COBLL1: variants seen among roughly 807,000 people sequenced by gnomAD.
COBLL1 encodes cordon-bleu protein-like 1.
A neutral mutation model predicts 94.8 loss-of-function variants in COBLL1; 50 were observed. The ratio of observed to expected loss-of-function variants is 0.53; its 90% CI spans 0.42 to 0.67. COBLL1 has a LOEUF of 0.67. COBLL1 is among the 30% of genes least tolerant of loss of function. The pLI is 0.00. For missense variants in COBLL1, 1,362 were observed against 1,348.7 expected (o/e 1.01, Z -0.15); for synonymous variants, 448 against 473.8 (o/e 0.95, Z 0.71).
At position 164,700,552 on chromosome 2, in the gene COBLL1, T is replaced by A; in HGVS notation, c.1430A>T (p.Glu477Val). 6.2e-7 allele frequency: 1 copy of A among 1,613,614 alleles called. No individual in the cohort carries two copies. Among genetic ancestry groups the A allele is most frequent in the Non-Finnish European group, 8.5e-7 (1 of 1,179,678 alleles). Residue 477 changes from glutamate (E) to valine (V), a missense_variant, in exon 10 of 14, where the codon GAA (glutamate) becomes GTA (valine). Physicochemically the swap from Glu to Val is moderately radical, Grantham distance 121. Transcript: ENST00000652658. ...ATCTGTGCTTTTAGTTTCTTGTTTT[T>A]CTTCCATGGAGTTTTGTGAGAACTC... ...SGEFSQNSME[E>V]KQETKSTDGQ...
chr2:164,808,099 C>T (rs2105334263), intron 2 of COBLL1, among the ~76,000 whole-genome samples: 1 of 152,250 alleles, frequency 6.6e-6, no homozygotes, highest in East Asian at 1.9e-4. Flanking sequence ...GGATTACAGC[C>T]ATGATCCACC....
chr2:164,683,205 T>A lies in COBLL1; in HGVS notation c.*2741A>T, dbSNP rs1485295178. 6.6e-6 allele frequency: 1 copy of A among 151,854 alleles called. No homozygotes were observed. The highest frequency in any genetic ancestry group is 2.4e-5 in the African/African-American group (1 of 41,380). 9.4% of individuals were successfully genotyped at this position (151,854 alleles called of 1,614,324 possible). ...TATATATGTAATCTGAATTATAATT[T>A]TAATATTATATAAATAAATAACTTG... On this transcript the variant is annotated 3_prime_UTR_variant, in exon 14 of 14. Transcript: ENST00000652658.
At chr2:164,838,665 G>A (rs1683438925) in intron 2 of COBLL1, among the ~76,000 whole-genome samples, 2 of 152,170 alleles carry the variant, frequency 1.3e-5, no homozygotes, top group South Asian at 4.1e-4. Context: ...TTTATAAAAT[G>A]TGGAGAACAA....
Position 164,683,255 on chromosome 2 carries a change from A to C in COBLL1, c.*2691T>G, listed in dbSNP as rs1683125137. The C allele has an allele frequency of 6.6e-6, 1 of 152,000 alleles. No individual in the cohort carries two copies. The highest frequency in any genetic ancestry group is 2.1e-4 in the South Asian group (1 of 4,828). 9.4% of individuals were successfully genotyped at this position (152,000 alleles called of 1,614,324 possible). A position where few individuals can be genotyped will look rare whatever the true frequency, so the allele number is the denominator to read the frequency against. ...GATTGGAGGAAAGAAGGAAAAGCAA[A>C]ATGCCTAGATGCTAAAAATTATACA... On this transcript the variant is annotated 3_prime_UTR_variant, in exon 14 of 14. Coordinates refer to ENST00000652658, the MANE Select transcript of COBLL1 (RefSeq NM_001365672.2).
chr2:164,841,255 G>T lies in COBLL1; in HGVS notation c.-50-9C>A. 1 of 1,224,946 alleles carries T rather than the reference G, an allele frequency of 8.2e-7. No individual in the cohort carries two copies. Among genetic ancestry groups the T allele is most frequent in the Non-Finnish European group, 1.0e-6 (1 of 983,788 alleles). The allele number at this position is 1,224,946 out of a possible 1,614,324, so 75.9% of individuals were successfully genotyped here. On this transcript the variant is annotated splice_polypyrimidine_tract_variant and intron_variant, in intron 1 of 13. Transcript: ENST00000652658. The surrounding 1 kb of genome is among the most constrained non-coding windows in gnomAD (Gnocchi z 5.5). ...CAGGCGGCGCGTCACTGCTGGGGTG[G>T]GAGAGGCCGGCGGGTCAGGGCGGGA...
chr2:164,839,725 A>G (rs987139537), intron 2 of COBLL1, among the ~76,000 whole-genome samples: 1 of 152,158 alleles, frequency 6.6e-6, no homozygotes, highest in Admixed American at 6.5e-5. Flanking sequence ...CTCATCGTCA[A>G]TTCACATAAT....
chr2:164,727,267 A>C (rs1335677692), intron 5 of COBLL1: 1 of 463,786 alleles, frequency 2.2e-6, no homozygotes, highest in Non-Finnish European at 3.9e-6. Flanking sequence ...CCTCAGGATA[A>C]ATTTTGAAGT....
chr2:164,666,331 A>G (rs1691158336), intron 1 of COBLL1, among the ~76,000 whole-genome samples: 1 of 152,156 alleles, frequency 6.6e-6, no homozygotes, highest in Non-Finnish European at 1.5e-5. Flanking sequence ...CATTATGTCT[A>G]AAAAACAATG....
chr2:164,818,626 T>TA (rs1491572217), intron 2 of COBLL1, among the ~76,000 whole-genome samples: 2 of 144,872 alleles, frequency 1.4e-5, no homozygotes, highest in South Asian at 4.2e-4. Context: ...TACACATATA[T>TA]GGCGTATATG....
intron 2 of COBLL1, among the ~76,000 whole-genome samples, chr2:164,795,793 T>C (rs1213084926): frequency 1.3e-5 from 2 of 152,238 alleles, no homozygotes; most frequent in Non-Finnish European, 2.9e-5. Context: ...ACTGAGTTTT[T>C]TCAAAGTTAC....
In COBLL1 at chr2:164,841,090, G is replaced by A; in HGVS notation, c.41+66C>T. 1 of 1,225,390 alleles carries A rather than the reference G, an allele frequency of 8.2e-7. No homozygotes were observed. Among genetic ancestry groups the A allele is most frequent in the Non-Finnish European group, 1.0e-6 (1 of 982,940 alleles). 75.9% of individuals were successfully genotyped at this position (1,225,390 alleles called of 1,614,324 possible). A position where few individuals can be genotyped will look rare whatever the true frequency, so the allele number is the denominator to read the frequency against. ...GAGTTGCCAGCCAGGTGAAACGGCC[G>A]AGGCCTCGCTGTCCTCGCCGGCCTC... is the stretch of plus-strand genomic sequence containing the variant. On this transcript the variant is annotated intron_variant, in intron 2 of 13. Coordinates refer to ENST00000652658, the MANE Select transcript of COBLL1 (RefSeq NM_001365672.2). This position sits in a 1 kb window ranked among gnomAD's most constrained non-coding sequence, Gnocchi z 5.5.
At chr2:164,711,726 C>T (rs764383830) in intron 7 of COBLL1, among the ~76,000 whole-genome samples, 2 of 152,112 alleles carry the variant, frequency 1.3e-5, no homozygotes, top group Non-Finnish European at 2.9e-5. Flanking sequence ...TACCAACAAA[C>T]ATTTACTTTG....
At chr2:164,693,678 T>C (rs1293551596) in intron 12 of COBLL1, among the ~76,000 whole-genome samples, 2 of 152,104 alleles carry the variant, frequency 1.3e-5, no homozygotes, top group Non-Finnish European at 2.9e-5. Context: ...ATACATATTA[T>C]AGTTGAAAGT....
chr2:164,803,331 C>T (rs1451152310), intron 2 of COBLL1, among the ~76,000 whole-genome samples: 1 of 151,846 alleles, frequency 6.6e-6, no homozygotes, highest in East Asian at 1.9e-4. Flanking sequence ...TTTGGGAGGC[C>T]GAGGCGGGCG....
intron 2 of COBLL1, among the ~76,000 whole-genome samples, chr2:164,660,290 G>T (rs957776714): frequency 8.7e-4 from 133 of 152,256 alleles, no homozygotes; most frequent in African/African-American, 3.1e-3. Context: ...TTTTAATGCC[G>T]TAAGTAAACA....
At chr2:164,813,456 C>A (rs1055237592) in intron 2 of COBLL1, among the ~76,000 whole-genome samples, 5 of 152,080 alleles carry the variant, frequency 3.3e-5, no homozygotes, top group Non-Finnish European at 7.4e-5. Context: ...ATAGAAACAG[C>A]ATTATTTTCA....
At chr2:164,663,357 G>T (rs938366470) in intron 2 of COBLL1, among the ~76,000 whole-genome samples, 6 of 152,032 alleles carry the variant, frequency 3.9e-5, no homozygotes, top group Non-Finnish European at 7.4e-5. Flanking sequence ...TTGAATGCTT[G>T]TTCACTGTTG....
chr2:164,682,855 T>A lies in COBLL1; in HGVS notation c.*3091A>T, dbSNP rs1683099611. The A allele has an allele frequency of 6.6e-6, 1 of 152,092 alleles. No homozygotes were observed. Among genetic ancestry groups the A allele is most frequent in the Non-Finnish European group, 1.5e-5 (1 of 68,032 alleles). The allele number at this position is 152,092 out of a possible 1,614,324, so 9.4% of individuals were successfully genotyped here. On this transcript the variant is annotated 3_prime_UTR_variant, in exon 14 of 14. Coordinates refer to ENST00000652658, the MANE Select transcript of COBLL1 (RefSeq NM_001365672.2). Reference sequence around the variant, plus strand: ...TCTCTTCACTCCAGCCAACATTATGTACCGCAGCAAGAAACAATAGAATGG... The same window carrying A: ...TCTCTTCACTCCAGCCAACATTATGAACCGCAGCAAGAAACAATAGAATGG...
At chr2:164,748,539 T>A (rs1686980625) in intron 2 of COBLL1, among the ~76,000 whole-genome samples, 2 of 152,202 alleles carry the variant, frequency 1.3e-5, no homozygotes, top group African/African-American at 4.8e-5. Context: ...TTAAAATATT[T>A]AAATATTTAA....
Sources: gnomAD v4.1 joint callset for allele counts (sites outside exome capture counted in the v4.1 genomes callset) on GRCh38, gnomAD v4.1.1 for gene constraint, Gnocchi (gnomAD v3.1) non-coding constraint, MANE v1.5 for transcripts, NCBI Gene and HGNC (gene_info 2026-07-23, HGNC 2026-07-21) for gene names.